The following LCK variants were observed in gnomAD, a reference collection of about 807,000 sequenced individuals.
LCK encodes the protein LCK proto-oncogene, Src family tyrosine kinase, also known as tyrosine-protein kinase Lck.
A neutral mutation model predicts 64.6 loss-of-function variants in LCK; 14 were observed. The ratio of observed to expected loss-of-function variants is 0.22; its 90% CI spans 0.14 to 0.34. LCK has a LOEUF of 0.34. LCK is among the 10% of genes least tolerant of loss of function. The probability of loss-of-function intolerance (pLI) is 1.00; values close to 1 mark genes in which losing one functional copy is unlikely to be tolerated. For missense variants in LCK, 434 were observed against 668.1 expected, an observed-to-expected ratio of 0.65 and a Z score of 3.86; for synonymous variants, 277 against 263.6, an observed-to-expected ratio of 1.05 and a Z score of -0.49.
At chr1:32,285,455 C>T in intron 12 of LCK, 59 bp from the exon 13 acceptor site, 1 of 1,465,826 alleles carries the variant, frequency 6.8e-7, no homozygotes, top group Non-Finnish European at 9.6e-7. Context: ...CCGAACATTA[C>T]CCTTGCCTGT....
Position 32,274,652 on chromosome 1 carries a change from G to T in LCK, c.106-85G>T, listed in dbSNP as rs1042242067. On this transcript the variant is annotated intron_variant, in intron 2 of 12. Transcript: ENST00000336890. ...GATAACATCTAACCAGGCTGGAGAG[G>T]CTGAGAGCAGAGCAGGGGGGAAGGG... 2.0e-5 allele frequency: 23 copies of T among 1,166,752 alleles called. No homozygotes were observed. In the Admixed American group the frequency reaches 5.3e-4, roughly 27 times the overall value. 72.3% of individuals were successfully genotyped at this position (1,166,752 alleles called of 1,614,324 possible).
At chr1:32,280,290 G>C in intron 12 of LCK, 80 bp downstream of exon 12, 1 of 1,573,746 alleles carries the variant, frequency 6.4e-7, no homozygotes, top group Non-Finnish European at 8.6e-7. Context: ...TCCAGTCTCA[G>C]AATCTGAAAC....
intron 1 of LCK, among the ~76,000 whole-genome samples, chr1:32,252,847 G>A (rs1000864590): frequency 3.3e-5 from 5 of 152,300 alleles, no homozygotes; most frequent in African/African-American, 7.2e-5. Flanking sequence ...TCAAGAGTGC[G>A]TAGGACATGA....
intron 1 of LCK, among the ~76,000 whole-genome samples, chr1:32,266,858 C>T (rs1639939627): frequency 8.3e-6 from 1 of 121,052 alleles, no homozygotes; most frequent in Admixed American, 8.7e-5. Flanking sequence ...CTTCTTCTTT[C>T]CCATCTCTCC....
rs113358964 is a variant in LCK at position 32,259,631 on chromosome 1, AT to A, written c.-6+8261del. Among the ~76,000 whole-genome samples the A allele has an allele frequency of 2.5e-3, 372 of 147,326 alleles. 3 individuals carry two copies. Among genetic ancestry groups the A allele is most frequent in the African/African-American group, 8.9e-3 (352 of 39,630 alleles). On this transcript the variant is annotated intron_variant, in intron 1 of 12. Transcript: ENST00000336890. ...TGAGACTTCATCTAAAAAAATAAAAATAATAATAATAATAATAATGATAATA... is the reference window on the plus strand; with the variant it reads ...TGAGACTTCATCTAAAAAAATAAAAAAATAATAATAATAATAATGATAATA...
Position 32,276,570 on chromosome 1 carries a change from C to T in LCK, c.785-37C>T. ...GTGATGAGAGTCCCAGGACAGCTGC[C>T]TGGCGACTTTCCCACTCCTTCCCTT... On this transcript the variant is annotated intron_variant, in intron 8 of 12. Transcript: ENST00000336890. This position sits in a 1 kb window ranked among gnomAD's most constrained non-coding sequence, Gnocchi z 4.6. The T allele has an allele frequency of 6.3e-7, 1 of 1,585,552 alleles. No homozygotes were observed. Among genetic ancestry groups the T allele is most frequent in the African/African-American group, 1.3e-5 (1 of 74,578 alleles).
At chr1:32,280,748 C>G (rs1330657826) in intron 12 of LCK, among the ~76,000 whole-genome samples, 1 of 151,942 alleles carries the variant, frequency 6.6e-6, no homozygotes, top group Non-Finnish European at 1.5e-5. Context: ...CCACCACACC[C>G]GGCCCCAGCT....
intron 1 of LCK, among the ~76,000 whole-genome samples, chr1:32,267,750 C>T (rs1006792922): frequency 9.2e-5 from 14 of 152,098 alleles, no homozygotes; most frequent in Non-Finnish European, 1.3e-4. Context: ...CAGAATTAGC[C>T]GGGTGTGGTG....
At chr1:32,259,289 T>TAAAAAAAAA (rs10656936) in intron 1 of LCK, among the ~76,000 whole-genome samples, 1 of 124,204 alleles carries the variant, frequency 8.1e-6, no homozygotes, top group Non-Finnish European at 1.6e-5. Flanking sequence ...GCTTCTCAGG[T>TAAAAAAAAA]AAAAAAAAAA....
chr1:32,256,576 C>T (rs1247530554), intron 1 of LCK, among the ~76,000 whole-genome samples: 2 of 151,494 alleles, frequency 1.3e-5, no homozygotes, highest in Non-Finnish European at 2.9e-5. Flanking sequence ...CCAGCCTGGG[C>T]AACAAGAGCA....
intron 1 of LCK, among the ~76,000 whole-genome samples, chr1:32,264,231 G>A (rs1368638057): frequency 2.0e-5 from 3 of 152,110 alleles, no homozygotes; most frequent in Non-Finnish European, 4.4e-5. Flanking sequence ...CAGCACAGTG[G>A]TCAAATTTTT....
Position 32,275,986 on chromosome 1 carries a change from A to G in LCK, c.554A>G (p.Asn185Ser), listed in dbSNP as rs762734407. 10 of 1,613,968 alleles carry G rather than the reference A, an allele frequency of 6.2e-6. No individual in the cohort carries two copies. The Admixed American group carries it at 6.7e-5, about 11-fold the overall frequency. The change falls in exon 7 of 13, where the codon AAT becomes AGT. Residue 185 changes from asparagine (N) to serine (S), a missense_variant. Transcript: ENST00000336890. The surrounding 1 kb of genome is among the most constrained non-coding windows in gnomAD (Gnocchi z 6.9). ...GTGGTGAAACATTACAAGATCCGTA[A>G]TCTGGACAACGGTGGCTTCTACATC... ...GEVVKHYKIR[N>S]LDNGGFYISP...
rs377222259 is a variant in LCK, at chr1:32,266,580, C to A, written c.-5-7745C>A. 2.7e-3 allele frequency among the ~76,000 whole-genome samples: 402 copies of A among 146,452 alleles called. 7 individuals carry two copies. The highest frequency in any genetic ancestry group is 0.01 in the African/African-American group (389 of 37,090). On this transcript the variant is annotated intron_variant, in intron 1 of 12. Transcript: ENST00000336890. The stretch of plus-strand genomic sequence containing the variant: ...AGATTATAGGCCTGAGCTACTACGC[C>A]CTTTCTTCCTCCTCCTCCTCCTCCG...
chr1:32,266,534 C>T (rs1413528769), intron 1 of LCK, among the ~76,000 whole-genome samples: 2 of 150,730 alleles, frequency 1.3e-5, no homozygotes, highest in Admixed American at 1.3e-4. Context: ...GATCCTCCTG[C>T]CTCAGCCTCC....
In LCK at chr1:32,251,859, C is replaced by A. The variant is rs1205236098; in HGVS notation, c.-6+488C>A. On this transcript the variant is annotated intron_variant, in intron 1 of 12. Transcript: ENST00000336890. The surrounding 1 kb of genome is among the most constrained non-coding windows in gnomAD (Gnocchi z 4.0). Reference sequence around the variant, plus strand: ...GAGGACCCAGGAATCCTTCTGGTTTCTGGGGCAGACCCCAGTGACAAGAAT... The same window carrying A: ...GAGGACCCAGGAATCCTTCTGGTTTATGGGGCAGACCCCAGTGACAAGAAT... Among the ~76,000 whole-genome samples, 2 of 150,220 alleles carry A rather than the reference C, an allele frequency of 1.3e-5. No individual in the cohort carries two copies. The highest frequency in any genetic ancestry group is 4.9e-5 in the African/African-American group (2 of 40,734).
At chr1:32,255,949 T>C (rs1355297510) in intron 1 of LCK, among the ~76,000 whole-genome samples, 2 of 151,754 alleles carry the variant, frequency 1.3e-5, no homozygotes, top group Non-Finnish European at 2.9e-5. Flanking sequence ...ACTACAGATG[T>C]GTACCACCAT....
rs1268346430 is a variant in LCK, at chr1:32,275,527, C to T, written c.378-42C>T. On this transcript the variant is annotated intron_variant, in intron 5 of 12. Transcript: ENST00000336890. The surrounding 1 kb of genome is among the most constrained non-coding windows in gnomAD (Gnocchi z 6.9). The stretch of plus-strand genomic sequence containing the variant: ...GGCTTGAGGGCCACGGAGGAAGATC[C>T]GACGACAGCCGACGGCCTTCGTTCG... 5.2e-6 allele frequency: 8 copies of T among 1,545,630 alleles called. No individual in the cohort carries two copies. The highest frequency in any genetic ancestry group is 2.4e-5 in the East Asian group (1 of 41,716).
rs200540406 is a variant in LCK at position 32,285,543 on chromosome 1, C to T, written c.1357C>T (p.Leu453=). Residue 453 remains leucine (L), a synonymous_variant, in exon 13 of 13, where the codon CTG becomes TTG. Coordinates refer to ENST00000336890, the MANE Select transcript of LCK (RefSeq NM_005356.5). ...GACCAACCCGGAGGTGATTCAGAAC[C>T]TGGAGCGAGGCTACCGCATGGTGCG... ...GMTNPEVIQN[L]ERGYRMVRPD... is the part of the protein sequence containing the mutation. 3.1e-6 allele frequency: 5 copies of T among 1,614,094 alleles called. No individual in the cohort carries two copies. In the African/African-American group the frequency reaches 4.0e-5, roughly 13 times the overall value.
chr1:32,281,470 A>G lies in LCK; in HGVS notation c.1327+1260A>G, dbSNP rs1312433459. On this transcript the variant is annotated intron_variant, in intron 12 of 12. Transcript: ENST00000336890. The stretch of plus-strand genomic sequence containing the variant: ...GAGAGAATTTGTCTCAAAAAAAAAA[A>G]AAAAGAAAAAGAAAAAGAAAAAAGA... 4.0e-5 allele frequency among the ~76,000 whole-genome samples: 6 copies of G among 151,102 alleles called. No homozygotes were observed. In the East Asian group the frequency reaches 7.8e-4, roughly 20 times the overall value.
Sources: gnomAD v4.1 joint callset for allele counts (sites outside exome capture counted in the v4.1 genomes callset) on GRCh38, gnomAD v4.1.1 for gene constraint, Gnocchi (gnomAD v3.1) non-coding constraint, MANE v1.5 for transcripts, NCBI Gene and HGNC (gene_info 2026-07-23, HGNC 2026-07-21) for gene names.